Variants in BCKDHA observed in about 807,000 individuals in gnomAD.
BCKDHA encodes branched chain keto acid dehydrogenase E1 subunit alpha, also known as 2-oxoisovalerate dehydrogenase subunit alpha, mitochondrial.
BCKDHA carries 43 observed loss-of-function variants against 52.2 expected under a neutral mutation model. The observed-to-expected ratio is 0.82, with a 90% confidence interval of 0.64 to 1.06. BCKDHA has a LOEUF of 1.06. BCKDHA is among the 50% of genes least tolerant of loss of function. BCKDHA has a pLI of 0.00. For synonymous variants in BCKDHA, 234 were observed against 247.9 expected (o/e 0.94, Z 0.53); for missense variants, 527 against 621.3 (o/e 0.85, Z 1.61).
Position 41,424,601 on chromosome 19 carries a change from A to T in BCKDHA, c.1331A>T (p.Asp444Val). ...GAGCACTACCCACTGGATCACTTCG[A>T]TAAGTGAGACCTGCTCAGCCCACCC... ...YGEHYPLDHFDK is the reference protein window; with the variant it reads ...YGEHYPLDHFVK The change falls in exon 9 of 9, where the codon GAT (aspartate) becomes GTT (valine). Residue 444 changes from aspartate (D) to valine (V), a missense_variant. Asp to Val is a radical substitution (Grantham distance 152). Transcript: ENST00000269980. The T allele has an allele frequency of 6.2e-7, 1 of 1,602,166 alleles. No individual in the cohort carries two copies. The highest frequency in any genetic ancestry group is 8.5e-7 in the Non-Finnish European group (1 of 1,172,016).
chr19:41,406,004 G>C (rs773460861), intron 1 of BCKDHA, among the ~76,000 whole-genome samples: 1 of 152,076 alleles, frequency 6.6e-6, no homozygotes, highest in Non-Finnish European at 1.5e-5. Flanking sequence ...GGGTGGAGTC[G>C]CATCCTTCCT....
intron 1 of BCKDHA, among the ~76,000 whole-genome samples, chr19:41,407,186 C>G (rs1032191514): frequency 1.1e-4 from 16 of 152,128 alleles, no homozygotes; most frequent in African/African-American, 3.9e-4. Flanking sequence ...GTAATACGTC[C>G]CAGATCGGTG....
At chr19:41,419,095 T>C (rs1376755946) in intron 4 of BCKDHA, 40 bp from the exon 5 acceptor site, 1 of 1,612,872 alleles carries the variant, frequency 6.2e-7, no homozygotes, top group South Asian at 1.1e-5. Flanking sequence ...TGTCCCCCTG[T>C]ACTGCCCACT....
intron 4 of BCKDHA, among the ~76,000 whole-genome samples, chr19:41,414,823 C>CA (rs1419558095): frequency 1.4e-4 from 21 of 152,252 alleles, no homozygotes; most frequent in Non-Finnish European, 7.4e-5. Context: ...GGACTACCCT[C>CA]AGAGTGTCAG....
At chr19:41,412,993 C>T (rs1483009217) in intron 3 of BCKDHA, among the ~76,000 whole-genome samples, 2 of 152,214 alleles carry the variant, frequency 1.3e-5, no homozygotes, top group African/African-American at 2.4e-5. Context: ...TGTGAGCCAC[C>T]GTGCCTAGCC....
At chr19:41,404,509 T>C (rs2039172155) in intron 1 of BCKDHA, among the ~76,000 whole-genome samples, 2 of 151,824 alleles carry the variant, frequency 1.3e-5, no homozygotes, top group African/African-American at 4.8e-5. Context: ...CAGGATGGTC[T>C]CGATCTCCCG....
chr19:41,422,797 C>A, intron 7 of BCKDHA, 27 bp downstream of exon 7: 1 of 1,611,840 alleles, frequency 6.2e-7, no homozygotes, highest in South Asian at 1.1e-5. Context: ...CCGTCAGCAC[C>A]CCCACAGCAC....
chr19:41,408,724 T>A (rs1199805426), intron 1 of BCKDHA, among the ~76,000 whole-genome samples: 1 of 151,858 alleles, frequency 6.6e-6, no homozygotes, highest in Non-Finnish European at 1.5e-5. Flanking sequence ...GTCAAGCGAT[T>A]CTCCCACCTC....
chr19:41,404,746 A>G (rs1283756470), intron 1 of BCKDHA, among the ~76,000 whole-genome samples: 1 of 152,088 alleles, frequency 6.6e-6, no homozygotes, highest in Non-Finnish European at 1.5e-5. Context: ...GGTGCGTGCC[A>G]CCACGCCTGG....
chr19:41,420,901 G>T (rs773916050), intron 5 of BCKDHA, among the ~76,000 whole-genome samples: 10 of 152,252 alleles, frequency 6.6e-5, no homozygotes, highest in Non-Finnish European at 1.3e-4. Flanking sequence ...GGGGCCTGTA[G>T]CCTGATCTAG....
chr19:41,400,725 G>A (rs551293534), intron 1 of BCKDHA, among the ~76,000 whole-genome samples: 69 of 152,078 alleles, frequency 4.5e-4, no homozygotes, highest in African/African-American at 1.6e-3. Flanking sequence ...GTAGCCACAA[G>A]TGGGCTGGGT....
chr19:41,410,107 G>C (rs2039235704), intron 1 of BCKDHA, among the ~76,000 whole-genome samples: 1 of 152,184 alleles, frequency 6.6e-6, no homozygotes, highest in African/African-American at 2.4e-5. Flanking sequence ...ACTCTTAAGA[G>C]CTCAAAGACT....
intron 3 of BCKDHA, among the ~76,000 whole-genome samples, chr19:41,413,011 A>G (rs1487346899): frequency 6.6e-6 from 1 of 152,166 alleles, no homozygotes; most frequent in African/African-American, 2.4e-5. Context: ...GCCTGTCTGT[A>G]GATACATCTT....
chr19:41,398,446 A>G (rs73931473), intron 1 of BCKDHA, among the ~76,000 whole-genome samples: 5,135 of 152,234 alleles, frequency 0.034, 281 homozygotes, highest in African/African-American at 0.12. Context: ...AATTGTGTAA[A>G]AAATTTGTTT....
In BCKDHA at chr19:41,410,809, A is replaced by T; in HGVS notation, c.281A>T (p.Asp94Val). ...RQGQIINPSE[D>V]PHLPKEKVLK... ...GGCCAGATCATCAACCCCAGCGAGGACCCCCACGTGAGAGGCGGCCTCCCC... is the reference window on the plus strand; with the variant it reads ...GGCCAGATCATCAACCCCAGCGAGGTCCCCCACGTGAGAGGCGGCCTCCCC... The change falls in exon 2 of 9, where the codon GAC becomes GTC. Residue 94 changes from aspartate to valine, a missense_variant. Transcript: ENST00000269980. 1.2e-6 allele frequency: 2 copies of T among 1,613,598 alleles called. No individual in the cohort carries two copies. Among genetic ancestry groups the T allele is most frequent in the South Asian group, 2.2e-5 (2 of 91,052 alleles).
At chr19:41,404,855 G>A (rs1192778094) in intron 1 of BCKDHA, among the ~76,000 whole-genome samples, 1 of 152,134 alleles carries the variant, frequency 6.6e-6, no homozygotes, top group East Asian at 1.9e-4. Context: ...ACCTGCCTCA[G>A]CCTCCCAAAT....
chr19:41,405,433 T>C (rs766701424), intron 1 of BCKDHA, among the ~76,000 whole-genome samples: 4 of 151,920 alleles, frequency 2.6e-5, no homozygotes, highest in Non-Finnish European at 4.4e-5. Context: ...AGTACAGGTG[T>C]GCACCACCAT....
Position 41,411,083 on chromosome 19 carries a change from A to G in BCKDHA, c.375+74A>G, listed in dbSNP as rs73931479. The G allele has an allele frequency of 6.9e-3, 10,377 of 1,503,198 alleles. 540 individuals carry two copies. In the African/African-American group the frequency reaches 0.12, roughly 17 times the overall value. The allele number at this position is 1,503,198 out of a possible 1,614,324, so 93.1% of individuals were successfully genotyped here. On this transcript the variant is annotated intron_variant, in intron 3 of 8. Transcript: ENST00000269980. Reference sequence around the variant, plus strand: ...CCCTACCTGTGTTTGGGCCAAAGGAATGGCTCCCAAGGAGGACAGATTCTT... The same window carrying G: ...CCCTACCTGTGTTTGGGCCAAAGGAGTGGCTCCCAAGGAGGACAGATTCTT...
Position 41,397,854 on chromosome 19 carries a change from G to C in BCKDHA, c.27G>C (p.Arg9Ser), listed in dbSNP as rs545537409. The C allele has an allele frequency of 6.2e-7, 1 of 1,614,174 alleles. No individual in the cohort carries two copies. Among genetic ancestry groups the C allele is most frequent in the African/African-American group, 1.3e-5 (1 of 75,076 alleles). The change falls in exon 1 of 9, where the codon AGG becomes AGC. Residue 9 changes from arginine to serine, a missense_variant. Arg to Ser is a moderately radical substitution (Grantham distance 110). Coordinates refer to ENST00000269980, the MANE Select transcript of BCKDHA (RefSeq NM_000709.4). MAVAIAAA[R>S]VWRLNRGLSQ... ...TGGCGGTAGCGATCGCTGCAGCGAG[G>C]GTCTGGCGGCTAAACCGTGGTTTGA... is the stretch of plus-strand genomic sequence containing the variant.
Sources: gnomAD v4.1 joint callset for allele counts (sites outside exome capture counted in the v4.1 genomes callset) on GRCh38, gnomAD v4.1.1 for gene constraint, MANE v1.5 for transcripts, NCBI Gene and HGNC (gene_info 2026-07-23, HGNC 2026-07-21) for gene names.